The following RSRP1 variants were observed in gnomAD, a reference collection of about 807,000 sequenced individuals.
The protein encoded by RSRP1 is arginine and serine rich protein 1, also known as arginine/serine-rich protein 1.
In RSRP1, 37 loss-of-function variants were observed where a neutral mutation model predicts 33.0. That is an observed-to-expected ratio of 1.12 (90% CI 0.86 to 1.48). RSRP1 has a LOEUF of 1.48. Among genes scored for constraint, RSRP1 ranks in the 40% most tolerant of loss-of-function variants. The pLI is 0.00. For synonymous variants in RSRP1, 167 were observed against 158.7 expected, an observed-to-expected ratio of 1.05 and a Z score of -0.40; for missense variants, 402 against 385.3, an observed-to-expected ratio of 1.04 and a Z score of -0.36.
Position 25,328,906 on chromosome 1 carries a change from T to C in RSRP1, c.-67+9072A>G, listed in dbSNP as rs1389606912. ...TTGTTTTGCTTTTACAGTTTCCTCA[T>C]TTGGCTGTTGGATTTTAAGCAAAAG... is the stretch of plus-strand genomic sequence containing the variant. On this transcript the variant is annotated intron_variant, in intron 1 of 1. Coordinates refer to the RSRP1 transcript ENST00000561867. The C allele has an allele frequency of 4.0e-6, 5 of 1,239,178 alleles. 2 individuals are homozygous for C. Among genetic ancestry groups the C allele is most frequent in the Non-Finnish European group, 5.8e-6 (5 of 859,878 alleles). The allele number at this position is 1,239,178 out of a possible 1,614,324, so 76.8% of individuals were successfully genotyped here.
Position 25,290,801 on chromosome 1 carries a change from G to C in RSRP1, c.-66-43772C>G, listed in dbSNP as rs369168725. 1.5e-5 allele frequency: 21 copies of C among 1,376,000 alleles called. 6 individuals are homozygous for C. Among genetic ancestry groups the C allele is most frequent in the Non-Finnish European group, 2.1e-5 (21 of 977,566 alleles). The allele number at this position is 1,376,000 out of a possible 1,614,324, so 85.2% of individuals were successfully genotyped here. On this transcript the variant is annotated intron_variant, in intron 1 of 1. Transcript: ENST00000561867. ...CAGTAATATCTTCAACGTGAGTCAT[G>C]GTGCTGGGAGGAGGGACCTGGGAGA...
At chr1:25,315,267 A>C (rs1198147545) in intron 1 of RSRP1, among the ~76,000 whole-genome samples, 2 of 129,842 alleles carry the variant, frequency 1.5e-5, no homozygotes, top group Non-Finnish European at 3.6e-5. Context: ...TCAGTCATTC[A>C]ACAAATATTT....
In RSRP1 at chr1:25,246,803, G is replaced by T. The variant is rs1345796465; in HGVS notation, c.161C>A (p.Ser54Ter). ...RSHSRVSSRF[S>*]SRSRRSKSRS... Reference sequence around the variant, plus strand: ...GGACTTGCTCCTCCGACTCCTGGACGAAAACCGGCTCGAGACGCGGGAATG... The same window carrying T: ...GGACTTGCTCCTCCGACTCCTGGACTAAAACCGGCTCGAGACGCGGGAATG... Residue 54 changes from serine (S) to a stop codon, truncating the protein, a stop_gained, in exon 2 of 5, where the codon TCG (serine) becomes TAG (stop). Coordinates refer to ENST00000243189, the MANE Select transcript of RSRP1 (RefSeq NM_020317.5). LOFTEE classifies it high-confidence loss of function. 31 of 1,613,550 alleles carry T rather than the reference G, an allele frequency of 1.9e-5. No individual in the cohort carries two copies. In the East Asian group the frequency reaches 6.7e-4, roughly 35 times the overall value.
At chr1:25,257,232 C>T (rs1639976722) in intron 1 of RSRP1, among the ~76,000 whole-genome samples, 1 of 152,136 alleles carries the variant, frequency 6.6e-6, no homozygotes, top group Non-Finnish European at 1.5e-5. Flanking sequence ...CCTGTGCCTC[C>T]TATTTTTAGC....
intron 1 of RSRP1, among the ~76,000 whole-genome samples, chr1:25,292,653 G>A (rs2124647956): frequency 7.7e-6 from 1 of 129,768 alleles, no homozygotes; most frequent in Admixed American, 7.5e-5. Context: ...AAGGTTGGGG[G>A]AGGGGGGGTA....
At chr1:25,283,202 T>C (rs980479197) in intron 1 of RSRP1, among the ~76,000 whole-genome samples, 8 of 131,652 alleles carry the variant, frequency 6.1e-5, no homozygotes, top group Non-Finnish European at 1.1e-4. Context: ...TGTGGTAGTC[T>C]AAGGCACAGG....
At chr1:25,311,524 C>G (rs1376068750) in intron 1 of RSRP1, among the ~76,000 whole-genome samples, 2 of 125,894 alleles carry the variant, frequency 1.6e-5, no homozygotes, top group East Asian at 4.0e-4. Flanking sequence ...AACTCCGTCT[C>G]AAAAAGAAAA....
chr1:25,262,066 T>C (rs1640175401), intron 1 of RSRP1, among the ~76,000 whole-genome samples: 2 of 152,302 alleles, frequency 1.3e-5, no homozygotes, highest in South Asian at 4.1e-4. Context: ...TTAACTATAA[T>C]AGCTATGTCT....
At chr1:25,259,129 T>C (rs923207733) in intron 1 of RSRP1, among the ~76,000 whole-genome samples, 7 of 152,118 alleles carry the variant, frequency 4.6e-5, no homozygotes, top group African/African-American at 1.4e-4. Context: ...AGTCTTACTC[T>C]GTCACCCAGG....
chr1:25,330,953 C>CTTTTTTTTTTTTT (rs71014353), intron 1 of RSRP1, among the ~76,000 whole-genome samples: 1 of 34,694 alleles, frequency 2.9e-5, no homozygotes, highest in Admixed American at 4.1e-4. Flanking sequence ...TGTCATCTTC[C>CTTTTTTTTTTTTT]TTTTTTTTTT....
intron 1 of RSRP1, among the ~76,000 whole-genome samples, chr1:25,256,104 G>T (rs148927248): frequency 1.3e-5 from 2 of 151,272 alleles, no homozygotes; most frequent in Non-Finnish European, 2.9e-5. Flanking sequence ...TTCGTTAAAC[G>T]CTATTAATGG....
At chr1:25,279,146 A>C (rs1157290466) in intron 1 of RSRP1, among the ~76,000 whole-genome samples, 1 of 123,842 alleles carries the variant, frequency 8.1e-6, no homozygotes, top group African/African-American at 2.8e-5. Flanking sequence ...ATCCAAACGA[A>C]CTCTTTGCAA....
At chr1:25,283,669 T>A (rs1641697969) in intron 1 of RSRP1, among the ~76,000 whole-genome samples, 1 of 133,708 alleles carries the variant, frequency 7.5e-6, no homozygotes, top group African/African-American at 2.6e-5. Context: ...AACAAGATAG[T>A]CTATGTAAAG....
Position 25,310,646 on chromosome 1 carries a change from G to C in RSRP1, c.-67+27332C>G, listed in dbSNP as rs1372274950. On this transcript the variant is annotated intron_variant, in intron 1 of 1. Transcript: ENST00000561867. Reference sequence around the variant, plus strand: ...TGGGAATAGGTTGGAAGAGTTTTGAGGAGCAGGCTAGAAAAAGCCTGTATT... The same window carrying C: ...TGGGAATAGGTTGGAAGAGTTTTGACGAGCAGGCTAGAAAAAGCCTGTATT... Among the ~76,000 whole-genome samples, 4 of 131,868 alleles carry C rather than the reference G, an allele frequency of 3.0e-5. 2 individuals carry two copies. The highest frequency in any genetic ancestry group is 7.2e-5 in the Non-Finnish European group (4 of 55,512). 86.5% of individuals were successfully genotyped at this position (131,868 alleles called of 152,430 possible). A position where few individuals can be genotyped will look rare whatever the true frequency, so the allele number is the denominator to read the frequency against.
chr1:25,291,261 G>C lies in RSRP1; in HGVS notation c.-66-44232C>G, dbSNP rs1456167050. ...AGGAGGGCAGATCACCTGAGGTCAG[G>C]AGTTCAAGACCAGCCTGGTCAACAT... On this transcript the variant is annotated intron_variant, in intron 1 of 1. Coordinates refer to the RSRP1 transcript ENST00000561867. 1.5e-5 allele frequency among the ~76,000 whole-genome samples: 2 copies of C among 130,662 alleles called. 1 individual carries two copies. Among genetic ancestry groups the C allele is most frequent in the Non-Finnish European group, 3.6e-5 (2 of 55,292 alleles). 85.7% of individuals were successfully genotyped at this position (130,662 alleles called of 152,430 possible). A position where few individuals can be genotyped will look rare whatever the true frequency, so the allele number is the denominator to read the frequency against.
intron 1 of RSRP1, among the ~76,000 whole-genome samples, chr1:25,307,372 TC>T (rs1375856738): frequency 7.6e-6 from 1 of 131,506 alleles, no homozygotes; most frequent in Non-Finnish European, 1.8e-5. Context: ...AGCCATTACT[TC>T]CTGGATGTTG....
chr1:25,246,308 C>A, intron 2 of RSRP1, 136 bp downstream of exon 2: 9 of 1,359,818 alleles, frequency 6.6e-6, no homozygotes, highest in Non-Finnish European at 9.1e-6. Context: ...AGGTAATGTC[C>A]TCCCTCTTTC....
intron 1 of RSRP1, among the ~76,000 whole-genome samples, chr1:25,261,433 C>A (rs1185285571): frequency 6.8e-6 from 1 of 147,094 alleles, no homozygotes; most frequent in Non-Finnish European, 1.5e-5. Context: ...GAGACAGAGT[C>A]TCACTCTGTC....
intron 1 of RSRP1, among the ~76,000 whole-genome samples, chr1:25,313,631 A>T (rs28619253): frequency 0.013 from 1,744 of 132,310 alleles, 259 homozygotes; most frequent in African/African-American, 0.039. Flanking sequence ...AGAACACGTC[A>T]TGCAGGGCCA....
Sources: allele counts gnomAD v4.1 joint callset (sites outside exome capture counted in the v4.1 genomes callset), GRCh38; gene constraint gnomAD v4.1.1; transcripts MANE v1.5; gene names NCBI Gene and HGNC (gene_info 2026-07-23, HGNC 2026-07-21).